Variants in SNTB2 observed in about 807,000 individuals in gnomAD.
SNTB2 encodes the protein beta-2-syntrophin.
In SNTB2, 34 loss-of-function variants were observed where a neutral mutation model predicts 46.2. That is an observed-to-expected ratio of 0.74 (90% CI 0.56 to 0.98). The LOEUF (loss-of-function observed/expected upper bound fraction) is 0.98. Ranked by LOEUF, SNTB2 falls within the 50% of genes least tolerant of loss-of-function variation. The probability of loss-of-function intolerance (pLI) is 0.00; values close to 1 mark genes in which losing one functional copy is unlikely to be tolerated. For synonymous variants in SNTB2, 290 were observed against 312.6 expected (o/e 0.93, Z 0.76); for missense variants, 603 against 731.4 (o/e 0.82, Z 2.02).
intron 1 of SNTB2, among the ~76,000 whole-genome samples, chr16:69,223,660 G>T (rs1964429298): frequency 6.7e-6 from 1 of 149,840 alleles, no homozygotes; most frequent in South Asian, 2.1e-4. Flanking sequence ...ACGGAGTCTC[G>T]CTCTGTCATC....
intron 5 of SNTB2, among the ~76,000 whole-genome samples, chr16:69,290,664 C>T (rs1437892282): frequency 2.6e-5 from 4 of 152,032 alleles, no homozygotes; most frequent in African/African-American, 9.7e-5. Context: ...GTAAGCATAG[C>T]CCCTATTTTT....
At chr16:69,252,382 T>C (rs143329252) in intron 2 of SNTB2, among the ~76,000 whole-genome samples, 2 of 152,200 alleles carry the variant, frequency 1.3e-5, no homozygotes, top group East Asian at 3.9e-4. Context: ...AATGATGAAG[T>C]CCAAGGAGAG....
chr16:69,270,285 G>A lies in SNTB2; in HGVS notation c.1148G>A (p.Arg383Lys). ...PCHSYPLVAT[R>K]LVHSGSGCRS... ...CACAGCTACCCACTTGTTGCCACCA[G>A]GTAAGTAAGACTAAAGATAAGGAAG... Residue 383 changes from arginine to lysine, a missense_variant and splice_region_variant, in exon 4 of 7, where the codon AGG (arginine) becomes AAG (lysine). Transcript: ENST00000336278. 1 of 1,613,990 alleles carries A rather than the reference G, an allele frequency of 6.2e-7. No individual in the cohort carries two copies. Among genetic ancestry groups the A allele is most frequent in the Non-Finnish European group, 8.5e-7 (1 of 1,179,958 alleles).
intron 4 of SNTB2, among the ~76,000 whole-genome samples, chr16:69,281,758 G>A (rs1261129915): frequency 6.6e-6 from 1 of 151,492 alleles, no homozygotes; most frequent in Non-Finnish European, 1.5e-5. Context: ...CAGGAGAATC[G>A]CTTGAACCCA....
chr16:69,200,540 AG>A (rs1964151568), intron 1 of SNTB2, among the ~76,000 whole-genome samples: 2 of 152,252 alleles, frequency 1.3e-5, no homozygotes, highest in Non-Finnish European at 2.9e-5. Flanking sequence ...CTGCTAGAGC[AG>A]GAGGAAGATA....
intron 5 of SNTB2, among the ~76,000 whole-genome samples, chr16:69,296,686 C>G (rs1002427425): frequency 2.7e-5 from 4 of 146,454 alleles, no homozygotes; most frequent in Non-Finnish European, 6.0e-5. Context: ...CATGCCACTG[C>G]AGTGCAGCCT....
chr16:69,195,650 G>T (rs1340127957), intron 1 of SNTB2, among the ~76,000 whole-genome samples: 1 of 151,984 alleles, frequency 6.6e-6, no homozygotes, highest in African/African-American at 2.4e-5. Context: ...CAGCTAAGAT[G>T]GTGCCTGCAG....
chr16:69,215,138 G>A (rs939465079), intron 1 of SNTB2, among the ~76,000 whole-genome samples: 2 of 152,196 alleles, frequency 1.3e-5, no homozygotes, highest in African/African-American at 2.4e-5. Context: ...GATTACAGAC[G>A]TGAGCCACTG....
chr16:69,208,342 G>C (rs1964245114), intron 1 of SNTB2, among the ~76,000 whole-genome samples: 4 of 151,124 alleles, frequency 2.6e-5, no homozygotes, highest in African/African-American at 4.9e-5. Flanking sequence ...GGAGGCGGAG[G>C]TGGCAGTGAA....
At chr16:69,242,161 C>G (rs1334180816) in intron 1 of SNTB2, among the ~76,000 whole-genome samples, 1 of 152,122 alleles carries the variant, frequency 6.6e-6, no homozygotes, top group African/African-American at 2.4e-5. Flanking sequence ...GGTGGTGGCT[C>G]ATGCTTGTAA....
chr16:69,270,254 C>A lies in SNTB2; in HGVS notation c.1117C>A (p.Pro373Thr). The A allele has an allele frequency of 6.2e-7, 1 of 1,614,026 alleles. No homozygotes were observed. Among genetic ancestry groups the A allele is most frequent in the Non-Finnish European group, 8.5e-7 (1 of 1,179,998 alleles). Residue 373 changes from proline (P) to threonine (T), a missense_variant, in exon 4 of 7, where the codon CCA becomes ACA. Coordinates refer to ENST00000336278, the MANE Select transcript of SNTB2 (RefSeq NM_006750.4). ...MPWTRDAWAS[P>T]CHSYPLVATR... ...GTGGACAAGAGATGCCTGGGCGTCA[C>A]CATGCCACAGCTACCCACTTGTTGC...
At chr16:69,250,755 A>G (rs1964717480) in intron 2 of SNTB2, among the ~76,000 whole-genome samples, 1 of 151,918 alleles carries the variant, frequency 6.6e-6, no homozygotes, top group African/African-American at 2.4e-5. Flanking sequence ...ACACACCTGT[A>G]ATCCCAGCTA....
intron 1 of SNTB2, among the ~76,000 whole-genome samples, chr16:69,210,702 T>C (rs1011254366): frequency 1.2e-4 from 19 of 152,198 alleles, no homozygotes; most frequent in South Asian, 8.3e-4. Flanking sequence ...TTAAGAAATA[T>C]ATTTTGTAGG....
chr16:69,272,539 C>CAA (rs556616496), intron 4 of SNTB2, among the ~76,000 whole-genome samples: 13 of 58,074 alleles, frequency 2.2e-4, no homozygotes, highest in African/African-American at 3.7e-4. Context: ...GACTCTGTCT[C>CAA]AAAAAAAAAA....
chr16:69,248,780 C>A (rs899388416), intron 2 of SNTB2, among the ~76,000 whole-genome samples: 1 of 149,502 alleles, frequency 6.7e-6, no homozygotes, highest in African/African-American at 2.5e-5. Context: ...GGCAACATAA[C>A]AAGACCCTAT....
intron 1 of SNTB2, among the ~76,000 whole-genome samples, chr16:69,241,168 C>CTTTTTTTT (rs747664809): frequency 5.1e-5 from 3 of 59,286 alleles, no homozygotes; most frequent in African/African-American, 1.4e-4. Context: ...CCTGGATAAG[C>CTTTTTTTT]TTTTTTTTTT....
Position 69,191,743 on chromosome 16 carries a change from C to T in SNTB2, c.580+3997C>T, listed in dbSNP as rs368190585. ...GCAAGCTCCGCCTACCGGGTTCACG[C>T]CATTCTGCTGCCTCAGCCTCCCAAG... On this transcript the variant is annotated intron_variant, in intron 1 of 6. Coordinates refer to ENST00000336278, the MANE Select transcript of SNTB2 (RefSeq NM_006750.4). 1.2e-4 allele frequency among the ~76,000 whole-genome samples: 18 copies of T among 152,030 alleles called. No individual in the cohort carries two copies. The South Asian group carries it at 2.3e-3, about 19-fold the overall frequency.
chr16:69,188,399 G>T (rs961545181), intron 1 of SNTB2, among the ~76,000 whole-genome samples: 7 of 152,188 alleles, frequency 4.6e-5, no homozygotes, highest in Non-Finnish European at 8.8e-5. Context: ...TCTGCTGCCA[G>T]CTTCCTACCA....
At chr16:69,237,123 AT>A (rs1214919505) in intron 1 of SNTB2, among the ~76,000 whole-genome samples, 1 of 152,192 alleles carries the variant, frequency 6.6e-6, no homozygotes, top group Non-Finnish European at 1.5e-5. Flanking sequence ...AACAGGAGAT[AT>A]TGGTTCTAGA....
Sources: allele counts gnomAD v4.1 joint callset (sites outside exome capture counted in the v4.1 genomes callset), GRCh38; gene constraint gnomAD v4.1.1; transcripts MANE v1.5; gene names NCBI Gene and HGNC (gene_info 2026-07-23, HGNC 2026-07-21).